The following GDPGP1 variants were observed in gnomAD, a reference collection of about 807,000 sequenced individuals.
GDPGP1 encodes GDP-D-glucose phosphorylase 1.
Under a neutral mutation model 19.2 loss-of-function variants are expected in GDPGP1, and 18 were observed. That is an observed-to-expected ratio of 0.94 (90% confidence interval 0.65 to 1.39). The LOEUF (loss-of-function observed/expected upper bound fraction) is 1.39, where lower values mean the gene tolerates loss of function less well. Ranked by LOEUF, GDPGP1 falls within the 40% of genes most tolerant of loss-of-function variation. The pLI is 0.00. For synonymous variants in GDPGP1, 219 were observed against 208.9 expected (o/e 1.05, Z -0.42); for missense variants, 449 against 490.5 (o/e 0.92, Z 0.80).
At position 90,241,471 on chromosome 15, in the gene GDPGP1, C is replaced by G. The variant is rs996266683; in HGVS notation, c.563C>G (p.Ala188Gly). 2 of 1,613,632 alleles carry G rather than the reference C, an allele frequency of 1.2e-6. No homozygotes were observed. Among genetic ancestry groups the G allele is most frequent in the Non-Finnish European group, 1.7e-6 (2 of 1,180,036 alleles). ...CGCCTGCTGCCGGGTGCACTGAGGG[C>G]AGGGATTGAGGCTGTGCTGCTGAGC... The part of the protein sequence containing the change: ...PQRLLPGALR[A>G]GIEAVLLSLH... The change falls in exon 4 of 4, where the codon GCA becomes GGA. Residue 188 changes from alanine (A) to glycine (G), a missense_variant. Transcript: ENST00000329600.
rs1962765319 is a variant in GDPGP1 at position 90,241,716 on chromosome 15, A to G, written c.808A>G (p.Ile270Val). 1 of 1,614,108 alleles carries G rather than the reference A, an allele frequency of 6.2e-7. No homozygotes were observed. The highest frequency in any genetic ancestry group is 1.3e-5 in the African/African-American group (1 of 74,928). The change falls in exon 4 of 4, where the codon ATA becomes GTA. Residue 270 changes from isoleucine (I) to valine (V), a missense_variant. Physicochemically the swap from Ile to Val is conservative, Grantham distance 29. Coordinates refer to ENST00000329600, the MANE Select transcript of GDPGP1 (RefSeq NM_001013657.3). The part of the protein sequence containing the change: ...RGPGPDLESL[I>V]SRVCRATDYL... ...GCCAGGGCCTGACTTGGAGTCCTTG[A>G]TAAGCAGGGTATGTCGGGCCACTGA...
At chr15:90,239,626 A>C (rs560858898) in intron 3 of GDPGP1, among the ~76,000 whole-genome samples, 172 of 152,242 alleles carry the variant, frequency 1.1e-3, no homozygotes, top group Non-Finnish European at 2.1e-3. Flanking sequence ...TTTACTTTCC[A>C]CCGGGCCCCT....
At position 90,241,914 on chromosome 15, in the gene GDPGP1, G is replaced by C; in HGVS notation, c.1006G>C (p.Ala336Pro). The C allele has an allele frequency of 6.2e-7, 1 of 1,614,116 alleles. No homozygotes were observed. The highest frequency in any genetic ancestry group is 8.5e-7 in the Non-Finnish European group (1 of 1,180,020). ...TTTCAATGTTGCCCTCTGTGAGCTG[G>C]CTGGGCACCTCCCTGTCAAAACATC... ...EAFNVALCEL[A>P]GHLPVKTSQD... is the part of the protein sequence containing the mutation. The change falls in exon 4 of 4, where the codon GCT becomes CCT. Residue 336 changes from alanine to proline, a missense_variant. Ala to Pro is a conservative substitution (Grantham distance 27). Coordinates refer to ENST00000329600, the MANE Select transcript of GDPGP1 (RefSeq NM_001013657.3).
rs71151576 is a variant in GDPGP1, at chr15:90,242,431, C to CTTTTTTTTTTTTTTT, written c.*382_*396dup. 4 of 65,512 alleles carry CTTTTTTTTTTTTTTT rather than the reference C, an allele frequency of 6.1e-5. No individual in the cohort carries two copies. The highest frequency in any genetic ancestry group is 9.2e-5 in the Non-Finnish European group (3 of 32,782). The allele number at this position is 65,512 out of a possible 1,614,324, so 4.1% of individuals were successfully genotyped here. On this transcript the variant is annotated 3_prime_UTR_variant, in exon 4 of 4. Coordinates refer to ENST00000329600, the MANE Select transcript of GDPGP1 (RefSeq NM_001013657.3). ...TGAGCCCCTGGATTCTTTTCTGTTTCTTTTTTTTTTTTTTTTTTTTTTTTT... is the reference window on the plus strand; with the variant it reads ...TGAGCCCCTGGATTCTTTTCTGTTTCTTTTTTTTTTTTTTTTTTTTTTTTTTTTTTTTTTTTTTTT...
chr15:90,239,031 G>C (rs184945986), intron 3 of GDPGP1, among the ~76,000 whole-genome samples: 1 of 152,294 alleles, frequency 6.6e-6, no homozygotes, highest in Admixed American at 6.5e-5. Flanking sequence ...AACATGACAT[G>C]TTCAATGATG....
rs138146556 is a variant in GDPGP1, at chr15:90,241,232, C to T, written c.324C>T (p.Pro108=). 3 of 1,614,116 alleles carry T rather than the reference C, an allele frequency of 1.9e-6. No homozygotes were observed. Among genetic ancestry groups the T allele is most frequent in the Non-Finnish European group, 2.5e-6 (3 of 1,180,004 alleles). The part of the protein sequence containing the change: ...LNVERGVQRR[P]PQTIKSVRQA... ...TGGAGCGTGGTGTGCAGAGGAGGCCCCCGCAGACCATCAAGAGTGTGAGGC... is the reference window on the plus strand; with the variant it reads ...TGGAGCGTGGTGTGCAGAGGAGGCCTCCGCAGACCATCAAGAGTGTGAGGC... Residue 108 remains proline (P), a synonymous_variant, in exon 4 of 4, where the codon CCC becomes CCT. Transcript: ENST00000329600.
In GDPGP1 at chr15:90,241,732, G is replaced by C; in HGVS notation, c.824G>C (p.Arg275Pro). 1 of 1,614,194 alleles carries C rather than the reference G, an allele frequency of 6.2e-7. No individual in the cohort carries two copies. The highest frequency in any genetic ancestry group is 8.5e-7 in the Non-Finnish European group (1 of 1,180,022). ...GAGTCCTTGATAAGCAGGGTATGTC[G>C]GGCCACTGATTATCTGACTGACCAT... is the stretch of plus-strand genomic sequence containing the variant. ...DLESLISRVC[R>P]ATDYLTDHEI... Residue 275 changes from arginine to proline, a missense_variant, in exon 4 of 4, where the codon CGG (arginine) becomes CCG (proline). Coordinates refer to ENST00000329600, the MANE Select transcript of GDPGP1 (RefSeq NM_001013657.3).
rs1203431500 is a variant in GDPGP1 at position 90,241,050 on chromosome 15, C to T, written c.142C>T (p.Pro48Ser). 1 of 1,614,088 alleles carries T rather than the reference C, an allele frequency of 6.2e-7. No individual in the cohort carries two copies. Among genetic ancestry groups the T allele is most frequent in the South Asian group, 1.1e-5 (1 of 91,078 alleles). Residue 48 changes from proline (P) to serine (S), a missense_variant, in exon 4 of 4, where the codon CCT (proline) becomes TCT (serine). Coordinates refer to ENST00000329600, the MANE Select transcript of GDPGP1 (RefSeq NM_001013657.3). ...AEGIQWPRNAPGIPDALPQSP... is the reference protein window; with the variant it reads ...AEGIQWPRNASGIPDALPQSP... ...AGGGATTCAGTGGCCAAGGAATGCACCTGGCATCCCAGATGCTCTGCCACA... is the reference window on the plus strand; with the variant it reads ...AGGGATTCAGTGGCCAAGGAATGCATCTGGCATCCCAGATGCTCTGCCACA...
chr15:90,240,004 A>C (rs1275725861), intron 3 of GDPGP1, among the ~76,000 whole-genome samples: 1 of 152,052 alleles, frequency 6.6e-6, no homozygotes, highest in African/African-American at 2.4e-5. Flanking sequence ...TGGGTGGATC[A>C]CCTGAGGTCA....
rs774117966 is a variant in GDPGP1, at chr15:90,241,861, C to G, written c.953C>G (p.Ser318Cys). 1 of 1,614,172 alleles carries G rather than the reference C, an allele frequency of 6.2e-7. No homozygotes were observed. Among genetic ancestry groups the G allele is most frequent in the Non-Finnish European group, 8.5e-7 (1 of 1,180,034 alleles). Residue 318 changes from serine to cysteine, a missense_variant, in exon 4 of 4, where the codon TCC becomes TGC. Physicochemically the swap from Ser to Cys is moderately radical, Grantham distance 112. Coordinates refer to ENST00000329600, the MANE Select transcript of GDPGP1 (RefSeq NM_001013657.3). ...CGAGTAATTCTGTGGGCCCGGAAGT[C>G]CAGCTTTGGGATAAAGGACGGTGAA... Reference protein sequence around the residue: ...GVRVILWARKSSFGIKDGEAF... With the variant: ...GVRVILWARKCSFGIKDGEAF...
At chr15:90,235,549 G>C (rs3935948) in intron 2 of GDPGP1, among the ~76,000 whole-genome samples, 29,392 of 151,912 alleles carry the variant, frequency 0.19, 3,031 homozygotes, top group Middle Eastern at 0.24. Flanking sequence ...CTAGGGTATA[G>C]GCCCATCCCA....
Position 90,241,775 on chromosome 15 carries a change from G to A in GDPGP1, c.867G>A (p.Leu289=). The change falls in exon 4 of 4, where the codon TTG becomes TTA. Residue 289 remains leucine, a synonymous_variant. Coordinates refer to ENST00000329600, the MANE Select transcript of GDPGP1 (RefSeq NM_001013657.3). The stretch of plus-strand genomic sequence containing the variant: ...CTGACCATGAGATTGCTCATAACTT[G>A]TTTGTCACCCGGGGAGCTCCGCCGG... ...YLTDHEIAHN[L]FVTRGAPPGK... 2 of 1,614,216 alleles carry A rather than the reference G, an allele frequency of 1.2e-6. No individual in the cohort carries two copies. The highest frequency in any genetic ancestry group is 1.7e-6 in the Non-Finnish European group (2 of 1,180,038).
intron 2 of GDPGP1, chr15:90,235,954 C>T (rs1030647621): frequency 6.6e-6 from 1 of 152,208 alleles, no homozygotes; most frequent in African/African-American, 2.4e-5. Flanking sequence ...AAGCAAGAAG[C>T]TGTCATTATG....
chr15:90,239,402 G>A (rs142093704), intron 3 of GDPGP1, among the ~76,000 whole-genome samples: 34 of 151,970 alleles, frequency 2.2e-4, no homozygotes, highest in African/African-American at 8.0e-4. Context: ...ATAAAGGAAA[G>A]AGGTTTTATT....
In GDPGP1 at chr15:90,241,832, G is replaced by T. The variant is rs755487007; in HGVS notation, c.924G>T (p.Gly308=). The change falls in exon 4 of 4, where the codon GGG becomes GGT. Residue 308 remains glycine, a synonymous_variant. Coordinates refer to ENST00000329600, the MANE Select transcript of GDPGP1 (RefSeq NM_001013657.3). ...CATCACCTTCCTCAGCCCTCACAGGGGTCCGAGTAATTCTGTGGGCCCGGA... is the reference window on the plus strand; with the variant it reads ...CATCACCTTCCTCAGCCCTCACAGGTGTCCGAGTAATTCTGTGGGCCCGGA... ...GKTSPSSALT[G]VRVILWARKS... is the part of the protein sequence containing the mutation. 25 of 1,614,070 alleles carry T rather than the reference G, an allele frequency of 1.5e-5. No individual in the cohort carries two copies. Among genetic ancestry groups the T allele is most frequent in the Non-Finnish European group, 1.8e-5 (21 of 1,180,038 alleles).
At chr15:90,235,293 C>T (rs528709068) in intron 2 of GDPGP1, among the ~76,000 whole-genome samples, 2 of 152,258 alleles carry the variant, frequency 1.3e-5, no homozygotes, top group African/African-American at 2.4e-5. Context: ...AGGCCAGGCG[C>T]GGTGGCTCAT....
rs761334602 is a variant in GDPGP1 at position 90,241,406 on chromosome 15, C to T, written c.498C>T (p.His166=). Residue 166 remains histidine (H), a synonymous_variant, in exon 4 of 4, where the codon CAC becomes CAT. Transcript: ENST00000329600. ...ACGTCAGCCCCCTGGAGTGGGGCCA[C>T]GTGCTGCTGGTGCCTGAGCCTGCCC... ...VINVSPLEWG[H]VLLVPEPARQ... The T allele has an allele frequency of 1.4e-5, 22 of 1,613,664 alleles. No homozygotes were observed. The highest frequency in any genetic ancestry group is 1.9e-5 in the Non-Finnish European group (22 of 1,180,040).
chr15:90,235,636 T>G (rs1334889533), intron 2 of GDPGP1, among the ~76,000 whole-genome samples: 1 of 151,758 alleles, frequency 6.6e-6, no homozygotes, highest in African/African-American at 2.4e-5. Flanking sequence ...GGCATGATCT[T>G]GGCTCACTGC....
At position 90,239,709 on chromosome 15, in the gene GDPGP1, T is replaced by A. The variant is rs144006889; in HGVS notation, c.-10+1161T>A. On this transcript the variant is annotated intron_variant, in intron 3 of 3. Transcript: ENST00000329600. The stretch of plus-strand genomic sequence containing the variant: ...GAGACATAGCCAAACCATATCTATC[T>A]ATCTATCTATTTTTTTGAGACAGAG... Among the ~76,000 whole-genome samples the A allele has an allele frequency of 1.9e-3, 296 of 152,326 alleles. 1 individual carries two copies. Among genetic ancestry groups the A allele is most frequent in the African/African-American group, 6.8e-3 (282 of 41,576 alleles).
Sources: allele counts gnomAD v4.1 joint callset (sites outside exome capture counted in the v4.1 genomes callset), GRCh38; gene constraint gnomAD v4.1.1; transcripts MANE v1.5; gene names NCBI Gene and HGNC (gene_info 2026-07-23, HGNC 2026-07-21).